Variants in UGT1A8 observed in about 807,000 individuals in gnomAD.
The protein encoded by UGT1A8 is UDP-glucuronosyltransferase 1A8.
A neutral mutation model predicts 45.3 loss-of-function variants in UGT1A8; 39 were observed. The ratio of observed to expected loss-of-function variants is 0.86; its 90% CI spans 0.67 to 1.12. The LOEUF (loss-of-function observed/expected upper bound fraction) is 1.12, where lower values mean the gene tolerates loss of function less well. Among genes scored for constraint, UGT1A8 ranks in the 50% most tolerant of loss-of-function variants. The pLI, the probability that UGT1A8 is intolerant of heterozygous loss-of-function variation, is 0.00. For synonymous variants in UGT1A8, 275 were observed against 249.2 expected (o/e 1.10, Z -0.97); for missense variants, 719 against 664.9 (o/e 1.08, Z -0.90).
intron 1 of UGT1A8, among the ~76,000 whole-genome samples, chr2:233,711,052 G>T (rs1263121953): frequency 6.6e-6 from 1 of 152,152 alleles, no homozygotes; most frequent in African/African-American, 2.4e-5. Flanking sequence ...GACACCCATG[G>T]CTTCAATCAC....
intron 1 of UGT1A8, among the ~76,000 whole-genome samples, chr2:233,685,011 G>A (rs1056459457): frequency 6.6e-5 from 10 of 152,158 alleles, no homozygotes; most frequent in African/African-American, 9.7e-5. Flanking sequence ...GTTTGTGCAC[G>A]TATGTGTCTG....
intron 1 of UGT1A8, among the ~76,000 whole-genome samples, chr2:233,627,997 T>C (rs1034342835): frequency 3.3e-5 from 5 of 152,054 alleles, no homozygotes; most frequent in African/African-American, 9.7e-5. Context: ...ATAAATGTTA[T>C]ATCACATGCA....
chr2:233,726,873 G>A (rs1410865062), intron 1 of UGT1A8, among the ~76,000 whole-genome samples: 1 of 151,998 alleles, frequency 6.6e-6, no homozygotes, highest in Non-Finnish European at 1.5e-5. Context: ...TATTCTCCAG[G>A]CTTCAGAGCT....
chr2:233,721,747 T>C, intron 1 of UGT1A8: 1 of 445,298 alleles, frequency 2.2e-6, no homozygotes, highest in South Asian at 1.7e-5. Context: ...GATGAGAGAA[T>C]CTACATCTAA....
At chr2:233,744,144 C>G (rs1446501937) in intron 1 of UGT1A8, 4 of 335,984 alleles carry the variant, frequency 1.2e-5, no homozygotes, top group Non-Finnish European at 2.3e-5. Context: ...CTGTGATGCT[C>G]CAAGACCAGG....
At chr2:233,711,370 A>C (rs1322789825) in intron 1 of UGT1A8, among the ~76,000 whole-genome samples, 1 of 152,234 alleles carries the variant, frequency 6.6e-6, no homozygotes, top group Non-Finnish European at 1.5e-5. Flanking sequence ...GAATGTGGTG[A>C]GAGCACCCTC....
intron 1 of UGT1A8, among the ~76,000 whole-genome samples, chr2:233,709,853 C>T (rs1247247168): frequency 6.6e-6 from 1 of 152,196 alleles, no homozygotes; most frequent in Non-Finnish European, 1.5e-5. Flanking sequence ...ACATTCAAGA[C>T]ACGGAGCACT....
intron 1 of UGT1A8, among the ~76,000 whole-genome samples, chr2:233,725,216 A>C (rs1559370373): frequency 4.4e-5 from 2 of 45,274 alleles, no homozygotes; most frequent in African/African-American, 2.5e-4. Flanking sequence ...AGGCAGAGGC[A>C]GAGGAGGCAG....
intron 1 of UGT1A8, among the ~76,000 whole-genome samples, chr2:233,704,960 A>AC (rs1240949729): frequency 6.6e-6 from 1 of 152,052 alleles, no homozygotes; most frequent in Non-Finnish European, 1.5e-5. Flanking sequence ...ACATGGTGAA[A>AC]CCCCATCTCT....
chr2:233,645,546 G>T (rs2125469212), intron 1 of UGT1A8, among the ~76,000 whole-genome samples: 3 of 152,340 alleles, frequency 2.0e-5, no homozygotes, highest in Middle Eastern at 6.8e-3. Flanking sequence ...TACAGGTATT[G>T]GGTAAATACA....
At chr2:233,637,086 C>T (rs767239519) in intron 1 of UGT1A8, 3 of 1,613,800 alleles carry the variant, frequency 1.9e-6, no homozygotes, top group African/African-American at 1.3e-5. Flanking sequence ...CTCCTCTTTC[C>T]TATGTCCCCA....
intron 1 of UGT1A8, among the ~76,000 whole-genome samples, chr2:233,663,481 G>T (rs1195272391): frequency 6.6e-6 from 1 of 152,124 alleles, no homozygotes; most frequent in African/African-American, 2.4e-5. Context: ...ATTGATCTGG[G>T]TGGTGCCAGC....
At position 233,772,256 on chromosome 2, in the gene UGT1A8, G is replaced by A; in HGVS notation, c.1296-6G>A. ...CCAGGCATAACGAAACTGTCTTTGTGTTTAGTTACAAGGAGAACATCATGC... is the reference window on the plus strand; with the variant it reads ...CCAGGCATAACGAAACTGTCTTTGTATTTAGTTACAAGGAGAACATCATGC... On this transcript the variant is annotated splice_polypyrimidine_tract_variant and splice_region_variant and intron_variant, in intron 4 of 4. Coordinates refer to ENST00000373450, the MANE Select transcript of UGT1A8 (RefSeq NM_019076.5). 1.9e-6 allele frequency: 3 copies of A among 1,614,262 alleles called. No homozygotes were observed. Among genetic ancestry groups the A allele is most frequent in the Non-Finnish European group, 2.5e-6 (3 of 1,180,048 alleles).
chr2:233,618,711 C>T (rs2072947321), intron 1 of UGT1A8, 149 bp downstream of exon 1: 1 of 1,450,572 alleles, frequency 6.9e-7, no homozygotes, highest in Non-Finnish European at 9.1e-7. Flanking sequence ...AATTTATGTA[C>T]TCATCAGTTA....
chr2:233,634,492 T>C (rs906948284), intron 1 of UGT1A8, among the ~76,000 whole-genome samples: 2 of 152,210 alleles, frequency 1.3e-5, no homozygotes, highest in African/African-American at 4.8e-5. Flanking sequence ...TGCTCCTGTA[T>C]TGGGCGCATA....
chr2:233,733,404 C>T (rs2078393693), intron 1 of UGT1A8, among the ~76,000 whole-genome samples: 1 of 152,148 alleles, frequency 6.6e-6, no homozygotes, highest in African/African-American at 2.4e-5. Flanking sequence ...AAAGGGAATG[C>T]TTCCAGTTTT....
At chr2:233,740,014 A>G (rs1487860646) in intron 1 of UGT1A8, among the ~76,000 whole-genome samples, 4 of 151,772 alleles carry the variant, frequency 2.6e-5, no homozygotes, top group South Asian at 2.1e-4. Flanking sequence ...GTGAGTTCTC[A>G]TGAGAGCTGA....
At chr2:233,723,516 C>CTTTTTTTTTTTTTTTTTTTTTATTTTT (rs1162916866) in intron 1 of UGT1A8, among the ~76,000 whole-genome samples, 1 of 85,406 alleles carries the variant, frequency 1.2e-5, no homozygotes, top group Non-Finnish European at 2.3e-5. Flanking sequence ...GGTCAACAAT[C>CTTTTTTTTTTTTTTTTTTTTTATTTTT]TTTTTTTTTT....
chr2:233,745,744 G>A (rs1406161320), intron 1 of UGT1A8, among the ~76,000 whole-genome samples: 1 of 149,304 alleles, frequency 6.7e-6, no homozygotes, highest in Non-Finnish European at 1.5e-5. Context: ...GAGGGAGGGG[G>A]CAAGCAGAAG....
Sources: allele counts gnomAD v4.1 joint callset (sites outside exome capture counted in the v4.1 genomes callset), GRCh38; gene constraint gnomAD v4.1.1; transcripts MANE v1.5; gene names NCBI Gene and HGNC (gene_info 2026-07-23, HGNC 2026-07-21).